KIF5A: variants seen among roughly 807,000 people sequenced by gnomAD.
KIF5A encodes kinesin family member 5A.
In KIF5A, 35 loss-of-function variants were observed where a neutral mutation model predicts 141.3. The observed-to-expected ratio is 0.25, with a 90% CI of 0.19 to 0.33. KIF5A has a LOEUF of 0.33. KIF5A is among the 10% of genes least tolerant of loss of function. KIF5A has a pLI of 1.00. For synonymous variants in KIF5A, 448 were observed against 500.2 expected, an observed-to-expected ratio of 0.90 and a Z score of 1.39; for missense variants, 861 against 1,314.3, an observed-to-expected ratio of 0.66 and a Z score of 5.33.
rs375920026 is a variant in KIF5A at position 57,580,117 on chromosome 12, G to T, written c.2539-839G>T. Among the ~76,000 whole-genome samples, 5 of 152,210 alleles carry T rather than the reference G, an allele frequency of 3.3e-5. No homozygotes were observed. The East Asian group carries it at 9.6e-4, about 29-fold the overall frequency. On this transcript the variant is annotated intron_variant, in intron 23 of 28. Transcript: ENST00000455537. ...TTGTCCAAATGGAAACTGCATGGAA[G>T]GGTTTCTAGCTTGTCCCCTTGAGCC...
chr12:57,570,770 G>A (rs541603935), intron 12 of KIF5A, among the ~76,000 whole-genome samples: 38 of 152,072 alleles, frequency 2.5e-4, no homozygotes, highest in Non-Finnish European at 3.7e-4. Context: ...CTTCATAAAA[G>A]TATTTTTATT....
At chr12:57,569,910 A>T in intron 11 of KIF5A, 77 bp from the exon 12 acceptor site, 1 of 1,526,180 alleles carries the variant, frequency 6.6e-7, no homozygotes, top group East Asian at 2.3e-5. Context: ...TTCAAGGGGC[A>T]TGGTGAGTGA....
At chr12:57,563,867 C>T (rs1466963031) in intron 3 of KIF5A, among the ~76,000 whole-genome samples, 174 bp downstream of exon 3, 1 of 152,158 alleles carries the variant, frequency 6.6e-6, no homozygotes, top group African/African-American at 2.4e-5. Context: ...TCCCTCCAAC[C>T]CACTGCAGTG....
chr12:57,556,088 A>T (rs1233957950), intron 1 of KIF5A, among the ~76,000 whole-genome samples: 1 of 151,850 alleles, frequency 6.6e-6, no homozygotes, highest in African/African-American at 2.4e-5. Context: ...CTCATGTCAC[A>T]TGGCTTTCCC....
In KIF5A at chr12:57,570,121, G is replaced by A; in HGVS notation, c.1252G>A (p.Glu418Lys). 4 of 1,614,086 alleles carry A rather than the reference G, an allele frequency of 2.5e-6. No homozygotes were observed. Among genetic ancestry groups the A allele is most frequent in the African/African-American group, 1.3e-5 (1 of 75,066 alleles). Residue 418 changes from glutamate (E) to lysine (K), a missense_variant, in exon 12 of 29, where the codon GAG becomes AAG. Physicochemically the swap from Glu to Lys is moderately conservative, Grantham distance 56. Coordinates refer to ENST00000455537, the MANE Select transcript of KIF5A (RefSeq NM_004984.4). ...RIAPEERQKYEEEIRRLYKQL... is the reference protein window; with the variant it reads ...RIAPEERQKYKEEIRRLYKQL... ...CGCGCCCGAGGAGCGGCAGAAATAC[G>A]AGGAGGAGATCCGCCGTCTCTATAA...
intron 1 of KIF5A, among the ~76,000 whole-genome samples, chr12:57,555,508 T>C (rs541777873): frequency 7.9e-5 from 12 of 152,172 alleles, no homozygotes; most frequent in African/African-American, 2.6e-4. Flanking sequence ...GGAGAATTGC[T>C]TGAACCTGGG....
chr12:57,582,663 G>A (rs560587617), intron 27 of KIF5A, 34 bp downstream of exon 27: 2 of 1,560,414 alleles, frequency 1.3e-6, no homozygotes, highest in South Asian at 2.2e-5. Context: ...GGGTTCTCTG[G>A]GTGGGACCAG....
In KIF5A at chr12:57,582,438, C is replaced by G. The variant is rs151312193; in HGVS notation, c.2993-164C>G. Among the ~76,000 whole-genome samples, 249 of 152,140 alleles carry G rather than the reference C, an allele frequency of 1.6e-3. 2 individuals are homozygous for G. Among genetic ancestry groups the G allele is most frequent in the Non-Finnish European group, 2.1e-3 (144 of 68,020 alleles). On this transcript the variant is annotated intron_variant, in intron 26 of 28. Transcript: ENST00000455537. ...GTGAGGGGCTGCAGAAACTTTTTCTCGAACAAAATAATGATGTAGCTTGGG... is the reference window on the plus strand; with the variant it reads ...GTGAGGGGCTGCAGAAACTTTTTCTGGAACAAAATAATGATGTAGCTTGGG...
chr12:57,572,237 G>T lies in KIF5A; in HGVS notation c.1539G>T (p.Gln513His). 1 of 1,605,392 alleles carries T rather than the reference G, an allele frequency of 6.2e-7. No homozygotes were observed. Among genetic ancestry groups the T allele is most frequent in the Admixed American group, 1.7e-5 (1 of 58,514 alleles). ...TGGAGGAGAAGAGCCAGCAGAACCA[G>T]CTTCTGGTGGATGAGCTGTCTCAGA... is the stretch of plus-strand genomic sequence containing the variant. ...QEVEEKSQQN[Q>H]LLVDELSQKV... is the part of the protein sequence containing the mutation. Residue 513 changes from glutamine to histidine, a missense_variant, in exon 14 of 29, where the codon CAG (glutamine) becomes CAT (histidine). Physicochemically the swap from Gln to His is conservative, Grantham distance 24 (BLOSUM62 0). Transcript: ENST00000455537. The surrounding 1 kb of genome is among the most constrained non-coding windows in gnomAD (Gnocchi z 4.2).
intron 5 of KIF5A, 73 bp from the exon 6 acceptor site, chr12:57,564,845 T>G: frequency 7.1e-7 from 1 of 1,408,824 alleles, no homozygotes; most frequent in Non-Finnish European, 1.0e-6. Flanking sequence ...AACCACCATC[T>G]GAGCTGACTG....
At chr12:57,578,146 C>T in intron 22 of KIF5A, 66 bp downstream of exon 22, 1 of 1,579,154 alleles carries the variant, frequency 6.3e-7, no homozygotes, top group South Asian at 1.1e-5. Context: ...TTTCTCCTGC[C>T]CCTGTTGCCC....
At chr12:57,570,901 C>G (rs922314818) in intron 12 of KIF5A, among the ~76,000 whole-genome samples, 4 of 151,994 alleles carry the variant, frequency 2.6e-5, no homozygotes, top group Non-Finnish European at 4.4e-5. Flanking sequence ...AGGGATCCCC[C>G]CCAACCTCAG....
chr12:57,574,081 CAAAAA>C lies in KIF5A; in HGVS notation c.1717-990_1717-986del, dbSNP rs1160470796. Among the ~76,000 whole-genome samples, 4 of 64,286 alleles carry C rather than the reference CAAAAA, an allele frequency of 6.2e-5. 1 individual carries two copies. Among genetic ancestry groups the C allele is most frequent in the Non-Finnish European group, 1.0e-4 (3 of 28,958 alleles). 42.2% of individuals were successfully genotyped at this position (64,286 alleles called of 152,430 possible). On this transcript the variant is annotated intron_variant, in intron 15 of 28. Coordinates refer to ENST00000455537, the MANE Select transcript of KIF5A (RefSeq NM_004984.4). ...TGGGTGACAGAGGGAGACTCTGTCT[CAAAAA>C]AAAAAAAAAAAAGCAGCAGCAACAG...
chr12:57,565,932 TAA>T (rs1370480798), intron 6 of KIF5A, among the ~76,000 whole-genome samples: 5 of 139,860 alleles, frequency 3.6e-5, no homozygotes, highest in South Asian at 2.4e-4. Flanking sequence ...GTCTCTTGTT[TAA>T]AAAAAAAAAA....
chr12:57,569,571 G>C lies in KIF5A; in HGVS notation c.1005G>C (p.Leu335Phe), dbSNP rs1187290769. The change falls in exon 11 of 29, where the codon TTG becomes TTC. Residue 335 changes from leucine (L) to phenylalanine (F), a missense_variant. Physicochemically the swap from Leu to Phe is conservative, Grantham distance 22. This residue lies in a region of KIF5A where 146 missense variants were observed against 353.4 expected (regional missense o/e 0.41). Transcript: ENST00000455537. ...KTIKNTASVNLELTAEQWKKK... is the reference protein window; with the variant it reads ...KTIKNTASVNFELTAEQWKKK... ...TTAAGAACACTGCCTCAGTAAATTTGGAGTTGACTGCTGAGCAGTGGAAGA... is the reference window on the plus strand; with the variant it reads ...TTAAGAACACTGCCTCAGTAAATTTCGAGTTGACTGCTGAGCAGTGGAAGA... 6.2e-7 allele frequency: 1 copy of C among 1,614,008 alleles called. No individual in the cohort carries two copies. The highest frequency in any genetic ancestry group is 8.5e-7 in the Non-Finnish European group (1 of 1,180,042).
In KIF5A at chr12:57,581,006, A is replaced by G; in HGVS notation, c.2589A>G (p.Lys863=). 1.2e-6 allele frequency: 2 copies of G among 1,613,988 alleles called. No homozygotes were observed. The highest frequency in any genetic ancestry group is 2.2e-5 in the South Asian group (2 of 91,074). The change falls in exon 24 of 29, where the codon AAA becomes AAG. Residue 863 remains lysine (K), a synonymous_variant. Transcript: ENST00000455537. ...DLRCELPKLE[K]RLRATAERVK... ...GTTGTGAGCTTCCTAAATTGGAAAA[A>G]CGACTTAGGGCTACGGCTGAGAGAG...
At chr12:57,552,960 T>C (rs1020946390) in intron 1 of KIF5A, among the ~76,000 whole-genome samples, 1 of 152,010 alleles carries the variant, frequency 6.6e-6, no homozygotes, top group Non-Finnish European at 1.5e-5. Context: ...GACAGCTCTG[T>C]GTGCCTTTTT....
intron 19 of KIF5A, 26 bp downstream of exon 19, chr12:57,576,404 G>T: frequency 6.4e-7 from 1 of 1,569,978 alleles, no homozygotes; most frequent in Non-Finnish European, 8.8e-7. Context: ...GGCGACTCCA[G>T]CCCCTCCCGG....
chr12:57,581,890 G>A lies in KIF5A; in HGVS notation c.2930G>A (p.Ser977Asn), dbSNP rs1159045681. 1 of 1,613,946 alleles carries A rather than the reference G, an allele frequency of 6.2e-7. No individual in the cohort carries two copies. Among genetic ancestry groups the A allele is most frequent in the Non-Finnish European group, 8.5e-7 (1 of 1,180,004 alleles). The change falls in exon 26 of 29, where the codon AGC becomes AAC. Residue 977 changes from serine (S) to asparagine (N), a missense_variant. This residue lies in a region of KIF5A where 482 missense variants were observed against 661.3 expected (regional missense o/e 0.73). Transcript: ENST00000455537. ...TCCAGCTTTGCAAACTCCTGTACCA[G>A]CAGTGGAGCCACATCTTCTGGCGGC... ...SDMYFANSCT[S>N]SGATSSGGPL...
Sources: allele counts gnomAD v4.1 joint callset (sites outside exome capture counted in the v4.1 genomes callset), GRCh38; gene constraint gnomAD v4.1.1; regional missense constraint gnomAD v4.1.1; non-coding constraint Gnocchi (gnomAD v3.1); transcripts MANE v1.5; gene names NCBI Gene and HGNC (gene_info 2026-07-23, HGNC 2026-07-21).